The following CEPT1 variants were observed in gnomAD, a reference collection of about 807,000 sequenced individuals.
The protein encoded by CEPT1 is choline/ethanolaminephosphotransferase 1.
A neutral mutation model predicts 42.6 loss-of-function variants in CEPT1; 7 were observed. The ratio of observed to expected loss-of-function variants is 0.16; its 90% CI spans 0.09 to 0.31. The LOEUF (loss-of-function observed/expected upper bound fraction) is 0.31, where lower values mean the gene tolerates loss of function less well. Among genes scored for constraint, CEPT1 ranks in the 10% least tolerant of loss-of-function variants. The pLI is 1.00. For synonymous variants in CEPT1, 171 were observed against 171.9 expected (o/e 0.99, Z 0.04); for missense variants, 306 against 502.1 (o/e 0.61, Z 3.73).
At chr1:111,183,608 T>C in intron 8 of CEPT1, 21 bp downstream of exon 8, 1 of 1,598,532 alleles carries the variant, frequency 6.3e-7, no homozygotes, top group Non-Finnish European at 8.6e-7. Context: ...TACTAAGTCT[T>C]ATTTCATGGT....
intron 2 of CEPT1, among the ~76,000 whole-genome samples, chr1:111,154,803 T>A (rs1348365264): frequency 6.6e-6 from 1 of 152,246 alleles, no homozygotes; most frequent in Non-Finnish European, 1.5e-5. Context: ...GATTTGCATA[T>A]GTTGGACCAT....
At chr1:111,179,361 C>T (rs1350001754) in intron 5 of CEPT1, 1 of 152,178 alleles carries the variant, frequency 6.6e-6, no homozygotes, top group East Asian at 1.9e-4. Context: ...CTCTTCCCAA[C>T]TCTTAAAGAC....
intron 1 of CEPT1, among the ~76,000 whole-genome samples, chr1:111,146,788 A>G (rs1342926566): frequency 3.3e-5 from 5 of 152,032 alleles, no homozygotes; most frequent in African/African-American, 1.2e-4. Context: ...CACTTAACCC[A>G]CTTTTACTTT....
At chr1:111,177,281 A>G (rs1024007149) in intron 5 of CEPT1, among the ~76,000 whole-genome samples, 3 of 152,124 alleles carry the variant, frequency 2.0e-5, no homozygotes, top group African/African-American at 4.8e-5. Flanking sequence ...TATTGCAGCT[A>G]TGAAGGGGGC....
At position 111,147,862 on chromosome 1, in the gene CEPT1, C is replaced by T. The variant is rs1655057731; in HGVS notation, c.148C>T (p.Arg50Trp). ...ACCATTGTCAAGACACCAACTAAAG[C>T]GGCTAGAAGAACACAGATATCAAAG... ...TPPLSRHQLK[R>W]LEEHRYQSAG... The change falls in exon 2 of 9, where the codon CGG becomes TGG. Residue 50 changes from arginine to tryptophan, a missense_variant. Physicochemically the swap from Arg to Trp is moderately radical, Grantham distance 101. Coordinates refer to ENST00000357172, the MANE Select transcript of CEPT1 (RefSeq NM_006090.5). The T allele has an allele frequency of 2.5e-6, 4 of 1,614,060 alleles. No individual in the cohort carries two copies. Among genetic ancestry groups the T allele is most frequent in the Non-Finnish European group, 3.4e-6 (4 of 1,179,988 alleles).
intron 6 of CEPT1, 157 bp downstream of exon 6, chr1:111,182,475 A>G: frequency 1.3e-6 from 1 of 747,964 alleles, no homozygotes; most frequent in Non-Finnish European, 2.1e-6. Flanking sequence ...TTTTATATAT[A>G]CTTACCCACA....
At chr1:111,147,497 G>T in intron 1 of CEPT1, 145 bp from the exon 2 acceptor site, 1 of 398,892 alleles carries the variant, frequency 2.5e-6, no homozygotes, top group African/African-American at 2.1e-5. Flanking sequence ...ACCAAAATCA[G>T]GTCCCTCCTT....
chr1:111,154,102 A>G (rs9429589), intron 2 of CEPT1, among the ~76,000 whole-genome samples: 66,755 of 151,500 alleles, frequency 0.44, 15,515 homozygotes, highest in African/African-American at 0.6. Context: ...CATTTTGTGT[A>G]TATGTCCTCC....
intron 3 of CEPT1, 60 bp from the exon 4 acceptor site, chr1:111,161,095 T>C: frequency 1.3e-6 from 2 of 1,574,442 alleles, no homozygotes; most frequent in South Asian, 2.2e-5. Context: ...TAAAATCATT[T>C]CCAGCTCAGT....
chr1:111,185,073 C>T lies in CEPT1; in HGVS notation c.*763C>T, dbSNP rs1297213266. 4 of 152,226 alleles carry T rather than the reference C, an allele frequency of 2.6e-5. No individual in the cohort carries two copies. The highest frequency in any genetic ancestry group is 5.9e-5 in the Non-Finnish European group (4 of 67,924). The allele number at this position is 152,226 out of a possible 1,614,324, so 9.4% of individuals were successfully genotyped here. On this transcript the variant is annotated 3_prime_UTR_variant, in exon 9 of 9. Coordinates refer to ENST00000357172, the MANE Select transcript of CEPT1 (RefSeq NM_006090.5). ...AATTTAAGCAAAATTTATTTCTGTT[C>T]TTTAATAAATAAGAAAATGTGGTCC...
intron 1 of CEPT1, among the ~76,000 whole-genome samples, chr1:111,141,467 T>C (rs1278167391): frequency 6.6e-6 from 1 of 152,258 alleles, no homozygotes; most frequent in African/African-American, 2.4e-5. Context: ...TTCTTTGTTT[T>C]CTAGGCTTTA....
chr1:111,176,247 A>G (rs370951780), intron 5 of CEPT1, among the ~76,000 whole-genome samples: 2 of 152,146 alleles, frequency 1.3e-5, no homozygotes, highest in African/African-American at 4.8e-5. Flanking sequence ...GGCTTTTGAG[A>G]CTAATGTGTA....
chr1:111,164,603 A>AT (rs11420323), intron 4 of CEPT1, among the ~76,000 whole-genome samples: 31,039 of 151,742 alleles, frequency 0.2, 3,338 homozygotes, highest in Middle Eastern at 0.27. Context: ...CTATATTAGG[A>AT]TTTTTTTGGA....
chr1:111,168,937 G>A lies in CEPT1; in HGVS notation c.630-5942G>A, dbSNP rs72977990. 8.7e-3 allele frequency among the ~76,000 whole-genome samples: 1,324 copies of A among 152,204 alleles called. 22 individuals are homozygous for A. Among genetic ancestry groups the A allele is most frequent in the African/African-American group, 0.03 (1,254 of 41,512 alleles). On this transcript the variant is annotated intron_variant, in intron 4 of 8. Coordinates refer to ENST00000357172, the MANE Select transcript of CEPT1 (RefSeq NM_006090.5). ...CACAATCTGCAAATACCAGAATGCA[G>A]GGATACTCAGGTTCCTGATATAAGG...
chr1:111,155,258 G>T (rs562263965), intron 2 of CEPT1, among the ~76,000 whole-genome samples: 3 of 152,164 alleles, frequency 2.0e-5, no homozygotes, highest in South Asian at 4.1e-4. Flanking sequence ...TTTCCAGTTT[G>T]TTGGCATATA....
At chr1:111,152,338 A>T (rs1361989715) in intron 2 of CEPT1, among the ~76,000 whole-genome samples, 1 of 152,170 alleles carries the variant, frequency 6.6e-6, no homozygotes, top group East Asian at 1.9e-4. Context: ...AGGGGGAAAA[A>T]AATTACAGAG....
intron 4 of CEPT1, among the ~76,000 whole-genome samples, chr1:111,165,225 T>C (rs976476753): frequency 6.6e-6 from 1 of 151,470 alleles, no homozygotes; most frequent in Non-Finnish European, 1.5e-5. Context: ...ATTTTTTGTA[T>C]TTTTAGTAGA....
chr1:111,173,719 G>T (rs1234919915), intron 4 of CEPT1, among the ~76,000 whole-genome samples: 1 of 152,096 alleles, frequency 6.6e-6, no homozygotes, highest in Non-Finnish European at 1.5e-5. Context: ...AGTTTGTAAT[G>T]TGTCTTTCCA....
intron 4 of CEPT1, among the ~76,000 whole-genome samples, chr1:111,165,520 A>G (rs1656104767): frequency 6.6e-6 from 1 of 152,184 alleles, no homozygotes; most frequent in Non-Finnish European, 1.5e-5. Context: ...TCTTTTTTAT[A>G]TATCAGCTTG....
Sources: allele counts gnomAD v4.1 joint callset (sites outside exome capture counted in the v4.1 genomes callset), GRCh38; gene constraint gnomAD v4.1.1; transcripts MANE v1.5; gene names NCBI Gene and HGNC (gene_info 2026-07-23, HGNC 2026-07-21).